Variants in UXS1 observed in about 807,000 individuals in gnomAD.
UXS1 encodes UDP-glucuronic acid decarboxylase 1.
UXS1 carries 33 observed loss-of-function variants against 62.6 expected under a neutral mutation model. The ratio of observed to expected loss-of-function variants is 0.53; its 90% CI spans 0.40 to 0.70. UXS1 has a LOEUF of 0.70. UXS1 is among the 30% of genes least tolerant of loss of function. The probability of loss-of-function intolerance (pLI) is 0.00; values close to 1 mark genes in which losing one functional copy is unlikely to be tolerated. For missense variants in UXS1, 434 were observed against 556.3 expected, an observed-to-expected ratio of 0.78 and a Z score of 2.21; for synonymous variants, 213 against 206.8, an observed-to-expected ratio of 1.03 and a Z score of -0.26.
intron 4 of UXS1, among the ~76,000 whole-genome samples, chr2:106,160,778 T>G (rs1205283392): frequency 6.6e-6 from 1 of 152,178 alleles, no homozygotes; most frequent in South Asian, 2.1e-4. Context: ...GGGCATAAGA[T>G]GGACTAAAAA....
chr2:106,159,284 G>A (rs796451446), intron 4 of UXS1: 2 of 152,278 alleles, frequency 1.3e-5, no homozygotes, highest in South Asian at 4.1e-4. Context: ...CCCAACGCAT[G>A]AGGACCGCTC....
chr2:106,108,668 G>C (rs111627945), intron 10 of UXS1, among the ~76,000 whole-genome samples: 1 of 152,162 alleles, frequency 6.6e-6, no homozygotes, highest in Non-Finnish European at 1.5e-5. Flanking sequence ...GCCGGGGAAC[G>C]AAGGGCTGTG....
intron 14 of UXS1, 35 bp downstream of exon 14, chr2:106,096,683 C>A: frequency 6.6e-7 from 1 of 1,522,234 alleles, no homozygotes; most frequent in East Asian, 2.4e-5. Context: ...CGGGAGGCCC[C>A]TCCCCACAAG....
intron 3 of UXS1, 24 bp downstream of exon 3, chr2:106,164,712 T>C (rs1683106228): frequency 2.6e-6 from 4 of 1,514,832 alleles, no homozygotes; most frequent in Middle Eastern, 1.7e-4. Context: ...ATGAAATAGA[T>C]ACAAAAATAG....
At chr2:106,137,856 C>A (rs986098318) in intron 6 of UXS1, among the ~76,000 whole-genome samples, 5 of 151,972 alleles carry the variant, frequency 3.3e-5, no homozygotes, top group East Asian at 3.9e-4. Flanking sequence ...CCTGGCCAGA[C>A]CTTCAGAGCC....
Position 106,129,819 on chromosome 2 carries a change from A to AC in UXS1, c.473-42dup, listed in dbSNP as rs539772640. The AC allele has an allele frequency of 2.7e-4, 390 of 1,418,350 alleles. 1 individual carries two copies. The African/African-American group carries it at 4.7e-3, about 17-fold the overall frequency. The allele number at this position is 1,418,350 out of a possible 1,614,324, so 87.9% of individuals were successfully genotyped here. Reference sequence around the variant, plus strand: ...CAGAAGCCTATTACTTCAAAAAAGCACCAAAAAAATACTGACCTCCTAGGA... The same window carrying AC: ...CAGAAGCCTATTACTTCAAAAAAGCACCCAAAAAAATACTGACCTCCTAGGA... On this transcript the variant is annotated intron_variant, in intron 6 of 14. Coordinates refer to ENST00000283148, the MANE Select transcript of UXS1 (RefSeq NM_001253875.2).
Position 106,125,659 on chromosome 2 carries a change from C to A in UXS1, c.598G>T (p.Ala200Ser). Reference protein sequence around the residue: ...NMLGLAKRVGARLLLASTSEV... With the variant: ...NMLGLAKRVGSRLLLASTSEV... ...GATGTGGAGGCCAGGAGCAGACGGGCACCGACTCGTTTTGCCAGCCCTACA... is the reference window on the plus strand; with the variant it reads ...GATGTGGAGGCCAGGAGCAGACGGGAACCGACTCGTTTTGCCAGCCCTACA... The change falls in exon 8 of 15, where the codon GCC becomes TCC. Residue 200 changes from alanine to serine, a missense_variant. Ala to Ser is a moderately conservative substitution (Grantham distance 99, BLOSUM62 1). This residue lies in a region of UXS1 where 134 missense variants were observed against 251.9 expected (regional missense o/e 0.53). Transcript: ENST00000283148. 3 of 1,579,376 alleles carry A rather than the reference C, an allele frequency of 1.9e-6. No homozygotes were observed. Among genetic ancestry groups the A allele is most frequent in the South Asian group, 1.2e-5 (1 of 85,582 alleles).
At chr2:106,178,578 A>G (rs542385472) in intron 1 of UXS1, among the ~76,000 whole-genome samples, 1,724 of 151,482 alleles carry the variant, frequency 0.011, 34 homozygotes, top group African/African-American at 0.036. Context: ...GTATATATAT[A>G]TGTGTATATG....
intron 1 of UXS1, among the ~76,000 whole-genome samples, chr2:106,178,435 T>C (rs957245365): frequency 6.6e-6 from 1 of 152,118 alleles, no homozygotes; most frequent in Non-Finnish European, 1.5e-5. Context: ...GCAAAAAGTA[T>C]GTGTATGTAT....
chr2:106,141,233 T>C (rs1413643443), intron 6 of UXS1, among the ~76,000 whole-genome samples: 1 of 152,000 alleles, frequency 6.6e-6, no homozygotes, highest in Non-Finnish European at 1.5e-5. Flanking sequence ...CTATATATGA[T>C]ATAGAAAGAT....
intron 1 of UXS1, among the ~76,000 whole-genome samples, chr2:106,187,146 T>C (rs1359750632): frequency 6.6e-6 from 1 of 152,142 alleles, no homozygotes; most frequent in African/African-American, 2.4e-5. Flanking sequence ...TATTTGGGTG[T>C]TCACTAAAAT....
At chr2:106,129,940 T>C (rs574127237) in intron 6 of UXS1, among the ~76,000 whole-genome samples, 162 bp from the exon 7 acceptor site, 1 of 152,212 alleles carries the variant, frequency 6.6e-6, no homozygotes, top group Non-Finnish European at 1.5e-5. Context: ...ATTAGGAAAA[T>C]GTTAAACAAA....
intron 12 of UXS1, 136 bp downstream of exon 12, chr2:106,100,922 A>T: frequency 9.3e-7 from 1 of 1,076,432 alleles, no homozygotes; most frequent in Non-Finnish European, 1.4e-6. Context: ...TTTTTCCTCT[A>T]GTATTTAGCA....
chr2:106,171,125 T>C (rs1245809154), intron 1 of UXS1, among the ~76,000 whole-genome samples: 2 of 152,220 alleles, frequency 1.3e-5, no homozygotes, highest in Non-Finnish European at 2.9e-5. Flanking sequence ...CATATCAGCT[T>C]CATAGTTCTC....
At chr2:106,150,875 C>T (rs1681956496) in intron 5 of UXS1, among the ~76,000 whole-genome samples, 1 of 152,214 alleles carries the variant, frequency 6.6e-6, no homozygotes, top group Non-Finnish European at 1.5e-5. Context: ...GGCTGGGGCT[C>T]CCAGAGGCCT....
At chr2:106,143,198 G>A (rs1041948032) in intron 6 of UXS1, among the ~76,000 whole-genome samples, 1 of 151,420 alleles carries the variant, frequency 6.6e-6, no homozygotes, top group Non-Finnish European at 1.5e-5. Flanking sequence ...CATGAGGGCA[G>A]GAGATGGAGA....
At chr2:106,151,817 CAG>C in intron 5 of UXS1, among the ~76,000 whole-genome samples, 1 of 152,348 alleles carries the variant, frequency 6.6e-6, no homozygotes, top group East Asian at 1.9e-4. Context: ...TAACAGACTT[CAG>C]AGTCTGCTCA....
chr2:106,125,561 C>A (rs1679867273), intron 8 of UXS1, 59 bp downstream of exon 8: 1 of 1,464,072 alleles, frequency 6.8e-7, no homozygotes, highest in Non-Finnish European at 9.1e-7. Flanking sequence ...TCTTCTGAGA[C>A]AGGATGAAAA....
chr2:106,162,952 G>A (rs1230140141), intron 4 of UXS1, among the ~76,000 whole-genome samples: 2 of 152,078 alleles, frequency 1.3e-5, no homozygotes, highest in East Asian at 1.9e-4. Context: ...ATCCCAATAA[G>A]GGGAAAAAAT....
Sources: allele counts gnomAD v4.1 joint callset (sites outside exome capture counted in the v4.1 genomes callset), GRCh38; gene constraint gnomAD v4.1.1; regional missense constraint gnomAD v4.1.1; transcripts MANE v1.5; gene names NCBI Gene and HGNC (gene_info 2026-07-23, HGNC 2026-07-21).